The following DPP10 variants were observed in gnomAD, a reference collection of about 807,000 sequenced individuals.
The protein encoded by DPP10 is inactive dipeptidyl peptidase 10.
In DPP10, 33 loss-of-function variants were observed where a neutral mutation model predicts 120.9. The observed-to-expected ratio is 0.27, with a 90% CI of 0.21 to 0.37. DPP10 has a LOEUF of 0.37. Ranked by LOEUF, DPP10 falls within the 10% of genes least tolerant of loss-of-function variation. DPP10 has a pLI of 1.00. For synonymous variants in DPP10, 337 were observed against 326.1 expected (o/e 1.03, Z -0.36); for missense variants, 816 against 942.8 (o/e 0.87, Z 1.76).
chr2:114,934,497 G>A (rs1354382159), intron 1 of DPP10, among the ~76,000 whole-genome samples: 1 of 152,092 alleles, frequency 6.6e-6, no homozygotes, highest in African/African-American at 2.4e-5. Flanking sequence ...CATGTTGAGT[G>A]GGCTGAGAAG....
intron 3 of DPP10, among the ~76,000 whole-genome samples, chr2:115,448,523 A>C (rs2072824875): frequency 1.3e-5 from 2 of 152,186 alleles, no homozygotes; most frequent in Non-Finnish European, 2.9e-5. Flanking sequence ...CATAATCCTG[A>C]TCATAAGGAA....
intron 5 of DPP10, among the ~76,000 whole-genome samples, chr2:115,688,389 G>A (rs1267902596): frequency 6.6e-6 from 1 of 152,124 alleles, no homozygotes; most frequent in Non-Finnish European, 1.5e-5. Flanking sequence ...TATTATTCCA[G>A]TGAGAAGAAA....
At chr2:114,763,981 G>A (rs1680496933) in intron 1 of DPP10, among the ~76,000 whole-genome samples, 1 of 152,070 alleles carries the variant, frequency 6.6e-6, no homozygotes, top group South Asian at 2.1e-4. Flanking sequence ...CCACAGACCT[G>A]GCTCTTTTGC....
intron 3 of DPP10, among the ~76,000 whole-genome samples, chr2:115,389,939 G>A (rs925167688): frequency 2.0e-5 from 3 of 152,032 alleles, no homozygotes; most frequent in Admixed American, 6.6e-5. Flanking sequence ...GAGTTATTAC[G>A]TTAAGGCTCA....
At chr2:115,382,565 G>C (rs775395373) in intron 3 of DPP10, among the ~76,000 whole-genome samples, 3 of 151,872 alleles carry the variant, frequency 2.0e-5, no homozygotes, top group Non-Finnish European at 4.4e-5. Flanking sequence ...GTTCCTATTC[G>C]GCCATCTTCT....
intron 3 of DPP10, among the ~76,000 whole-genome samples, chr2:115,370,603 T>A (rs2065344837): frequency 6.6e-6 from 1 of 152,144 alleles, no homozygotes; most frequent in African/African-American, 2.4e-5. Context: ...AGGATAGTTT[T>A]TAACAAGAAG....
chr2:115,795,546 G>A (rs1276513149), intron 19 of DPP10, among the ~76,000 whole-genome samples: 6 of 152,062 alleles, frequency 3.9e-5, no homozygotes, highest in East Asian at 1.9e-4. Context: ...CATTCTAACC[G>A]GAGAGCATTA....
chr2:115,167,907 A>T (rs2053023190), intron 1 of DPP10, among the ~76,000 whole-genome samples: 1 of 152,204 alleles, frequency 6.6e-6, no homozygotes, highest in South Asian at 2.1e-4. Flanking sequence ...ATTCTCACCA[A>T]GAGTTGAATT....
At chr2:114,777,989 C>T (rs528569806) in intron 1 of DPP10, among the ~76,000 whole-genome samples, 2 of 152,152 alleles carry the variant, frequency 1.3e-5, no homozygotes, top group Non-Finnish European at 2.9e-5. Flanking sequence ...TTTGTCGTGT[C>T]TTTCATTAGT....
intron 1 of DPP10, among the ~76,000 whole-genome samples, chr2:114,521,969 G>A (rs1168199870): frequency 6.6e-5 from 9 of 135,464 alleles, no homozygotes; most frequent in African/African-American, 2.4e-4. Context: ...CACCGCGCCC[G>A]GCTAATTTTT....
chr2:114,922,050 T>A (rs987637345), intron 1 of DPP10, among the ~76,000 whole-genome samples: 4 of 152,220 alleles, frequency 2.6e-5, no homozygotes, highest in Admixed American at 6.5e-5. Flanking sequence ...TAAATGCTAT[T>A]TGACTATTTG....
chr2:115,040,552 T>A (rs1704559391), intron 1 of DPP10, among the ~76,000 whole-genome samples: 2 of 151,590 alleles, frequency 1.3e-5, no homozygotes, highest in South Asian at 4.2e-4. Flanking sequence ...CTTTTTTGGT[T>A]TTCTGTGATC....
At chr2:114,894,172 A>G (rs905518115) in intron 1 of DPP10, among the ~76,000 whole-genome samples, 1 of 152,312 alleles carries the variant, frequency 6.6e-6, no homozygotes, top group Non-Finnish European at 1.5e-5. Context: ...TTTATTTTTA[A>G]GAAACACACA....
chr2:115,472,405 A>C (rs1425462836), intron 3 of DPP10, among the ~76,000 whole-genome samples: 1 of 152,322 alleles, frequency 6.6e-6, no homozygotes, highest in East Asian at 1.9e-4. Context: ...AAAAGCAGAA[A>C]GAAACAGGTG....
Position 115,284,388 on chromosome 2 carries a change from C to A in DPP10, c.61-24851C>A, listed in dbSNP as rs529509814. On this transcript the variant is annotated intron_variant, in intron 1 of 25. Transcript: ENST00000410059. The stretch of plus-strand genomic sequence containing the variant: ...AAATAATGCATTATCTTTCAAAAGC[C>A]CTAGTAATTTTTTGCTTATAATCTC... Among the ~76,000 whole-genome samples the A allele has an allele frequency of 2.2e-4, 33 of 151,974 alleles. 1 individual carries two copies. In the South Asian group the frequency reaches 6.4e-3, roughly 30 times the overall value.
intron 1 of DPP10, among the ~76,000 whole-genome samples, chr2:114,674,684 T>C (rs1162230868): frequency 6.6e-6 from 1 of 152,140 alleles, no homozygotes; most frequent in Non-Finnish European, 1.5e-5. Flanking sequence ...ACTGGAAAGA[T>C]GGACTAGATG....
intron 1 of DPP10, among the ~76,000 whole-genome samples, chr2:115,024,615 A>C (rs1179764082): frequency 6.6e-6 from 1 of 150,922 alleles, no homozygotes; most frequent in East Asian, 1.9e-4. Flanking sequence ...GGATATACAT[A>C]ACCTTAAATG....
Position 115,710,618 on chromosome 2 carries a change from G to A in DPP10, c.577-17198G>A, listed in dbSNP as rs191891947. On this transcript the variant is annotated intron_variant, in intron 7 of 25. Transcript: ENST00000410059. ...ATTTTTTTTCTAACATTTGGATTAC[G>A]AATACATTTGAAAAGTTGAAACAAG... Among the ~76,000 whole-genome samples, 236 of 151,984 alleles carry A rather than the reference G, an allele frequency of 1.6e-3. 1 individual carries two copies. Among genetic ancestry groups the A allele is most frequent in the African/African-American group, 5.5e-3 (227 of 41,502 alleles).
intron 1 of DPP10, among the ~76,000 whole-genome samples, chr2:114,861,781 T>C (rs1689825301): frequency 6.6e-6 from 1 of 152,186 alleles, no homozygotes; most frequent in African/African-American, 2.4e-5. Context: ...TTTTCTGATA[T>C]AACCTCTTCT....
Sources: allele counts gnomAD v4.1 joint callset (sites outside exome capture counted in the v4.1 genomes callset), GRCh38; gene constraint gnomAD v4.1.1; transcripts MANE v1.5; gene names NCBI Gene and HGNC (gene_info 2026-07-23, HGNC 2026-07-21).